The following PPM1L variants were observed in gnomAD, a reference collection of about 807,000 sequenced individuals.
PPM1L encodes the protein protein phosphatase 1L.
In PPM1L, 13 loss-of-function variants were observed where a neutral mutation model predicts 31.4. That is an observed-to-expected ratio of 0.41 (90% CI 0.27 to 0.66). The LOEUF (loss-of-function observed/expected upper bound fraction) is 0.66, where lower values mean the gene tolerates loss of function less well. Ranked by LOEUF, PPM1L falls within the 30% of genes least tolerant of loss-of-function variation. PPM1L has a pLI of 0.29. For synonymous variants in PPM1L, 184 were observed against 175.4 expected, an observed-to-expected ratio of 1.05 and a Z score of -0.39; for missense variants, 326 against 453.7, an observed-to-expected ratio of 0.72 and a Z score of 2.56.
intron 2 of PPM1L, among the ~76,000 whole-genome samples, chr3:161,000,432 A>G (rs1717446047): frequency 6.6e-6 from 1 of 152,224 alleles, no homozygotes; most frequent in Admixed American, 6.5e-5. Context: ...ATTCAAGAGC[A>G]TGCATATATA....
At chr3:160,938,145 C>T (rs1715041853) in intron 1 of PPM1L, among the ~76,000 whole-genome samples, 1 of 152,146 alleles carries the variant, frequency 6.6e-6, no homozygotes, top group South Asian at 2.1e-4. Flanking sequence ...AGTTAAGGCT[C>T]AGCAAGAGAA....
intron 2 of PPM1L, among the ~76,000 whole-genome samples, chr3:161,051,174 T>C (rs9860182): frequency 0.48 from 73,519 of 152,048 alleles, 19,332 homozygotes; most frequent in East Asian, 0.72. Context: ...CCCATACATC[T>C]GGGCTCTCAT....
chr3:160,821,476 C>CTAA (rs1713201181), intron 1 of PPM1L, among the ~76,000 whole-genome samples: 1 of 152,000 alleles, frequency 6.6e-6, no homozygotes, highest in Non-Finnish European at 1.5e-5. Context: ...CTAACGTCGT[C>CTAA]AAAATATTTG....
chr3:160,763,375 A>G (rs1715019016), intron 1 of PPM1L, among the ~76,000 whole-genome samples: 1 of 152,206 alleles, frequency 6.6e-6, no homozygotes, highest in Non-Finnish European at 1.5e-5. Flanking sequence ...CTCATTTTTA[A>G]TGCAGGTAAA....
intron 1 of PPM1L, among the ~76,000 whole-genome samples, chr3:160,815,663 C>G (rs1349063493): frequency 6.6e-6 from 1 of 152,126 alleles, no homozygotes; most frequent in Non-Finnish European, 1.5e-5. Flanking sequence ...CTTATTCCAT[C>G]ATAATATAGT....
chr3:160,878,308 T>C (rs1712586892), intron 1 of PPM1L, among the ~76,000 whole-genome samples: 1 of 152,286 alleles, frequency 6.6e-6, no homozygotes, highest in Middle Eastern at 3.4e-3. Context: ...CTTGGGATGC[T>C]AGAACAAAAA....
At chr3:160,930,006 T>C (rs1031842815) in intron 1 of PPM1L, among the ~76,000 whole-genome samples, 3 of 152,194 alleles carry the variant, frequency 2.0e-5, no homozygotes, top group African/African-American at 7.2e-5. Context: ...CTTGCCCACG[T>C]CACCATCACT....
chr3:160,927,627 T>TGCGC (rs546012699), intron 1 of PPM1L, among the ~76,000 whole-genome samples: 5 of 151,922 alleles, frequency 3.3e-5, no homozygotes, highest in African/African-American at 1.2e-4. Flanking sequence ...TGTGTGTGTG[T>TGCGC]GCGTGCGTGT....
chr3:160,903,427 C>T (rs1713629875), intron 1 of PPM1L, among the ~76,000 whole-genome samples: 1 of 152,016 alleles, frequency 6.6e-6, no homozygotes, highest in Non-Finnish European at 1.5e-5. Context: ...ATGGATAAGA[C>T]TCACCCATAT....
At chr3:160,894,247 T>G (rs1713258525) in intron 1 of PPM1L, among the ~76,000 whole-genome samples, 1 of 152,202 alleles carries the variant, frequency 6.6e-6, no homozygotes, top group Non-Finnish European at 1.5e-5. Context: ...AGATTAGATT[T>G]AGACCATTGG....
intron 2 of PPM1L, among the ~76,000 whole-genome samples, chr3:161,060,626 A>G (rs1719542272): frequency 6.6e-6 from 1 of 151,896 alleles, no homozygotes; most frequent in South Asian, 2.1e-4. Context: ...TGAGCAATGG[A>G]GTGGATTATG....
At chr3:161,008,263 C>A (rs1717779333) in intron 2 of PPM1L, among the ~76,000 whole-genome samples, 1 of 152,186 alleles carries the variant, frequency 6.6e-6, no homozygotes, top group African/African-American at 2.4e-5. Flanking sequence ...AGGGCCCTGC[C>A]CCATACCCAG....
intron 2 of PPM1L, among the ~76,000 whole-genome samples, chr3:160,989,016 T>C (rs1446123204): frequency 2.0e-5 from 3 of 152,062 alleles, no homozygotes; most frequent in Admixed American, 6.6e-5. Context: ...ACCCAATGTA[T>C]TGATTAAAGG....
chr3:160,867,189 T>A (rs970583512), intron 1 of PPM1L, among the ~76,000 whole-genome samples: 1 of 152,162 alleles, frequency 6.6e-6, no homozygotes, highest in African/African-American at 2.4e-5. Context: ...GCAAATAATA[T>A]GGAGTTACTG....
At position 160,920,586 on chromosome 3, in the gene PPM1L, T is replaced by TTCTCTCTC. The variant is rs3063236; in HGVS notation, c.400-41127_400-41120dup. ...CAGCAACTGCACTTATGCATTTAGTTTCTCTCTCTCTCTCTCTCTCTCTCT... is the reference window on the plus strand; with the variant it reads ...CAGCAACTGCACTTATGCATTTAGTTTCTCTCTCTCTCTCTCTCTCTCTCTCTCTCTCT... On this transcript the variant is annotated intron_variant, in intron 1 of 3. Transcript: ENST00000498165. Among the ~76,000 whole-genome samples, 931 of 120,186 alleles carry TTCTCTCTC rather than the reference T, an allele frequency of 7.7e-3. 10 individuals carry two copies. The highest frequency in any genetic ancestry group is 0.013 in the African/African-American group (377 of 28,784). 78.8% of individuals were successfully genotyped at this position (120,186 alleles called of 152,430 possible).
At chr3:160,963,185 CT>C (rs1293906195) in intron 2 of PPM1L, among the ~76,000 whole-genome samples, 4 of 151,994 alleles carry the variant, frequency 2.6e-5, no homozygotes, top group African/African-American at 4.8e-5. Context: ...CTTCTTGCCC[CT>C]GTGACCATTT....
intron 1 of PPM1L, among the ~76,000 whole-genome samples, chr3:160,935,661 G>C (rs988537424): frequency 7.9e-5 from 12 of 152,216 alleles, no homozygotes; most frequent in Admixed American, 7.8e-4. Context: ...GAAAGGAGAA[G>C]CTTCAGTGAT....
intron 2 of PPM1L, among the ~76,000 whole-genome samples, chr3:161,059,222 G>C (rs1388202583): frequency 6.6e-6 from 1 of 152,166 alleles, no homozygotes; most frequent in African/African-American, 2.4e-5. Context: ...GCTTTGGATG[G>C]TGTGGTGAGG....
intron 1 of PPM1L, chr3:160,939,516 G>A (rs774998484): frequency 1.3e-5 from 2 of 152,410 alleles, no homozygotes; most frequent in African/African-American, 2.4e-5. Context: ...TTGCGGAAGG[G>A]TCCCAGGGAG....
Sources: allele counts gnomAD v4.1 joint callset (sites outside exome capture counted in the v4.1 genomes callset), GRCh38; gene constraint gnomAD v4.1.1; transcripts MANE v1.5; gene names NCBI Gene and HGNC (gene_info 2026-07-23, HGNC 2026-07-21).